LARP4B: variants seen among roughly 807,000 people sequenced by gnomAD.
LARP4B encodes the protein la-related protein 4B.
LARP4B carries 12 observed loss-of-function variants against 89.8 expected under a neutral mutation model. That is an observed-to-expected ratio of 0.13 (90% CI 0.09 to 0.22). The LOEUF is 0.22. Among genes scored for constraint, LARP4B ranks in the 10% least tolerant of loss-of-function variants. The pLI, the probability that LARP4B is intolerant of heterozygous loss-of-function variation, is 1.00. For synonymous variants in LARP4B, 367 were observed against 363.3 expected (o/e 1.01, Z -0.12); for missense variants, 757 against 947.7 (o/e 0.80, Z 2.64).
intron 5 of LARP4B, among the ~76,000 whole-genome samples, chr10:853,852 C>T (rs544813010): frequency 7.2e-5 from 11 of 152,272 alleles, no homozygotes; most frequent in Middle Eastern, 3.4e-3. Flanking sequence ...AAGACAACAG[C>T]GAAGTATATC....
intron 1 of LARP4B, among the ~76,000 whole-genome samples, chr10:891,156 AG>A (rs1329578813): frequency 6.6e-6 from 1 of 151,938 alleles, no homozygotes; most frequent in Non-Finnish European, 1.5e-5. Context: ...AAAAAAAAAA[AG>A]ATAACAAAAA....
intron 3 of LARP4B, among the ~76,000 whole-genome samples, chr10:881,903 C>T (rs1448956255): frequency 2.0e-5 from 3 of 152,172 alleles, no homozygotes; most frequent in Non-Finnish European, 4.4e-5. Context: ...AATGTCTTAG[C>T]CATCATGATC....
the LARP4B span, among the ~76,000 whole-genome samples, chr10:945,973 G>T: frequency 2.6e-5 from 4 of 152,206 alleles, no homozygotes; most frequent in East Asian, 7.7e-4. Flanking sequence ...TGGCCCCCTG[G>T]TCTCAGACTC....
intron 7 of LARP4B, among the ~76,000 whole-genome samples, chr10:840,289 C>T (rs1487492730): frequency 6.6e-6 from 1 of 152,144 alleles, no homozygotes; most frequent in African/African-American, 2.4e-5. Flanking sequence ...GCACTTCATG[C>T]CTCGCCCAAC....
At position 817,687 on chromosome 10, in the gene LARP4B, A is replaced by G. The variant is rs770817408; in HGVS notation, c.1695+38T>C. ...CCTGACACGGAACCCGTACCTAGAC[A>G]CTGTTGGCAACTATTAGACATGCAA... On this transcript the variant is annotated intron_variant, in intron 15 of 17. Coordinates refer to ENST00000316157, the MANE Select transcript of LARP4B (RefSeq NM_015155.3). 2.8e-5 allele frequency: 45 copies of G among 1,587,150 alleles called. No individual in the cohort carries two copies. In the South Asian group the frequency reaches 4.6e-4, roughly 16 times the overall value.
upstream of LARP4B, among the ~76,000 whole-genome samples, chr10:936,638 G>A (rs763195359): frequency 6.2e-4 from 94 of 152,160 alleles, 1 homozygote; most frequent in Non-Finnish European, 3.2e-4. Context: ...CAGAAGAATT[G>A]CTTAAACCCA....
the LARP4B span, among the ~76,000 whole-genome samples, chr10:951,900 C>A: frequency 3.4e-5 from 5 of 146,422 alleles, 1 homozygote; most frequent in Non-Finnish European, 1.5e-5. Context: ...AGGAAGAAAT[C>A]GCAGCAGCCC....
chr10:900,618 CTTTTT>C (rs907868624), intron 1 of LARP4B, among the ~76,000 whole-genome samples: 2 of 118,988 alleles, frequency 1.7e-5, no homozygotes, highest in African/African-American at 3.2e-5. Context: ...GATATATTTC[CTTTTT>C]TTTTTTTTTT....
intron 5 of LARP4B, among the ~76,000 whole-genome samples, chr10:846,861 G>A (rs998227511): frequency 7.2e-5 from 11 of 152,150 alleles, no homozygotes; most frequent in African/African-American, 2.4e-4. Flanking sequence ...GGAGGCAAGC[G>A]CATGAGGGCC....
intron 1 of LARP4B, among the ~76,000 whole-genome samples, chr10:928,747 A>AT (rs1277408663): frequency 6.6e-6 from 1 of 152,004 alleles, no homozygotes; most frequent in Non-Finnish European, 1.5e-5. Flanking sequence ...TGCCTGGCTA[A>AT]TTTTTTGATT....
chr10:868,423 T>C (rs1220472665), intron 3 of LARP4B, among the ~76,000 whole-genome samples: 1 of 148,066 alleles, frequency 6.8e-6, no homozygotes, highest in Non-Finnish European at 1.5e-5. Flanking sequence ...ACTTTGAAAA[T>C]TGAAGCTCTG....
the LARP4B span, among the ~76,000 whole-genome samples, chr10:983,499 A>G: frequency 6.6e-6 from 1 of 152,166 alleles, no homozygotes; most frequent in Non-Finnish European, 1.5e-5. Flanking sequence ...ACACCAGCAT[A>G]GTTGGGTTCT....
chr10:934,830 C>T (rs1342002923), upstream of LARP4B, among the ~76,000 whole-genome samples: 4 of 152,222 alleles, frequency 2.6e-5, no homozygotes, highest in Admixed American at 1.3e-4. Flanking sequence ...CTCCCCGTCC[C>T]CCCAGTGGTT....
chr10:871,225 T>C (rs1030719904), intron 3 of LARP4B, among the ~76,000 whole-genome samples: 15 of 152,224 alleles, frequency 9.9e-5, no homozygotes, highest in African/African-American at 3.6e-4. Flanking sequence ...TTTCACCCTC[T>C]GTTTTGTCAC....
chr10:970,674 T>C, the LARP4B span, among the ~76,000 whole-genome samples: 1 of 152,308 alleles, frequency 6.6e-6, no homozygotes, highest in South Asian at 2.1e-4. Flanking sequence ...TCAGCTTTGA[T>C]TGCTCTCAAG....
Position 812,866 on chromosome 10 carries a change from GGA to G in LARP4B, c.*58_*59del, listed in dbSNP as rs1831813543. 4 of 1,459,716 alleles carry G rather than the reference GGA, an allele frequency of 2.7e-6. No individual in the cohort carries two copies. The highest frequency in any genetic ancestry group is 1.4e-5 in the African/African-American group (1 of 69,990). The allele number at this position is 1,459,716 out of a possible 1,614,324, so 90.4% of individuals were successfully genotyped here. On this transcript the variant is annotated 3_prime_UTR_variant, in exon 18 of 18. Transcript: ENST00000316157. ...CAGCGGCTCGCCCTCGCACTGAGTG[GGA>G]GAGTGTCTCGTTTGTGGTTAACACA...
chr10:948,705 G>A, the LARP4B span, among the ~76,000 whole-genome samples: 2 of 152,186 alleles, frequency 1.3e-5, no homozygotes, highest in Non-Finnish European at 2.9e-5. Context: ...GGCCTCCATT[G>A]CTGTACTTGG....
At chr10:863,699 C>A in intron 5 of LARP4B, 44 bp downstream of exon 5, 1 of 1,532,820 alleles carries the variant, frequency 6.5e-7, no homozygotes, top group South Asian at 1.3e-5. Context: ...ATAAATAAAG[C>A]AGCCCATATT....
In LARP4B at chr10:813,048, G is replaced by A; in HGVS notation, c.2095C>T (p.Leu699Phe). 6.2e-7 allele frequency: 1 copy of A among 1,613,914 alleles called. No homozygotes were observed. The highest frequency in any genetic ancestry group is 8.5e-7 in the Non-Finnish European group (1 of 1,180,032). The change falls in exon 18 of 18, where the codon CTC becomes TTC. Residue 699 changes from leucine to phenylalanine, a missense_variant. Leu to Phe is a conservative substitution (Grantham distance 22). Coordinates refer to ENST00000316157, the MANE Select transcript of LARP4B (RefSeq NM_015155.3). Reference protein sequence around the residue: ...PAERYREPPALKSTPGAPRDQ... With the variant: ...PAERYREPPAFKSTPGAPRDQ... ...CTGGGGGCTCCAGGTGTGGACTTGA[G>A]GGCTGGGGGCTCCCGGTATCTCTCT...
Sources: gnomAD v4.1 joint callset for allele counts (sites outside exome capture counted in the v4.1 genomes callset) on GRCh38, gnomAD v4.1.1 for gene constraint, MANE v1.5 for transcripts, NCBI Gene and HGNC (gene_info 2026-07-23, HGNC 2026-07-21) for gene names.